TSC2: variants seen among roughly 807,000 people sequenced by gnomAD.
TSC2 encodes tuberin.
In TSC2, 29 loss-of-function variants were observed where a neutral mutation model predicts 202.2. The observed-to-expected ratio is 0.14, with a 90% CI of 0.11 to 0.20. The LOEUF (loss-of-function observed/expected upper bound fraction) is 0.20. TSC2 is among the 10% of genes least tolerant of loss of function. The pLI, the probability that TSC2 is intolerant of heterozygous loss-of-function variation, is 1.00. For missense variants in TSC2, 2,429 were observed against 2,420.0 expected, an observed-to-expected ratio of 1.00 and a Z score of -0.08; for synonymous variants, 1,349 against 1,044.0, an observed-to-expected ratio of 1.29 and a Z score of -5.63.
At chr16:2,080,511 T>C in intron 30 of TSC2, 134 bp downstream of exon 30, 2 of 1,044,598 alleles carry the variant, frequency 1.9e-6, no homozygotes, top group Non-Finnish European at 2.7e-6. Flanking sequence ...TGAGACAGAG[T>C]CTTGCTCTGT....
chr16:2,077,007 T>C (rs1371051537), intron 25 of TSC2, among the ~76,000 whole-genome samples: 1 of 152,224 alleles, frequency 6.6e-6, no homozygotes, highest in Admixed American at 6.5e-5. Flanking sequence ...TTTGAACGGC[T>C]TTCTCCTCCT....
rs747001059 is a variant in TSC2, at chr16:2,061,825, T to C, written c.1120-46T>C. On this transcript the variant is annotated intron_variant, in intron 11 of 41. Transcript: ENST00000219476. ...AGCGAGGCCTCTGGTGCCAAGTCCA[T>C]GTGGGGAGTGGAAGTCAGCCTGTGT... 9 of 1,612,378 alleles carry C rather than the reference T, an allele frequency of 5.6e-6. No homozygotes were observed. In the South Asian group the frequency reaches 6.6e-5, roughly 12 times the overall value.
At chr16:2,075,520 CA>C (rs1178579853) in intron 22 of TSC2, among the ~76,000 whole-genome samples, 5 of 92,350 alleles carry the variant, frequency 5.4e-5, no homozygotes, top group Non-Finnish European at 9.0e-5. Flanking sequence ...GAGCCAGACT[CA>C]TCTCAAAAAA....
chr16:2,081,785 T>C lies in TSC2; in HGVS notation c.3801T>C (p.Pro1267=). The change falls in exon 31 of 42, where the codon CCT becomes CCC. Residue 1267 remains proline, a synonymous_variant. Transcript: ENST00000219476. ...GCACGGCCAAACCCCCTCCTCTGCC[T>C]CGCTCCAACACAGGTGAGTGGCATG... ...AASTAKPPPL[P]RSNTVASFSS... 1 of 1,612,366 alleles carries C rather than the reference T, an allele frequency of 6.2e-7. No individual in the cohort carries two copies. Among genetic ancestry groups the C allele is most frequent in the Non-Finnish European group, 8.5e-7 (1 of 1,179,974 alleles).
intron 6 of TSC2, chr16:2,055,890 CAAA>C (rs373314420): frequency 7.2e-3 from 1,894 of 262,264 alleles, no homozygotes; most frequent in East Asian, 0.01. Context: ...AACTCCATCT[CAAA>C]AAAAAAAAAA....
At chr16:2,049,683 G>A (rs917919479) in intron 2 of TSC2, among the ~76,000 whole-genome samples, 3 of 151,466 alleles carry the variant, frequency 2.0e-5, no homozygotes, top group African/African-American at 7.3e-5. Context: ...AAAATTAGCC[G>A]GTCATAGTGG....
At chr16:2,053,506 C>G in intron 4 of TSC2, 54 bp downstream of exon 4, 1 of 1,502,916 alleles carries the variant, frequency 6.7e-7, no homozygotes. Context: ...CACTGACTGT[C>G]CTGTCCCTGC....
intron 10 of TSC2, among the ~76,000 whole-genome samples, chr16:2,059,388 G>A (rs2086329950): frequency 6.8e-6 from 1 of 146,088 alleles, no homozygotes; most frequent in Admixed American, 6.8e-5. Flanking sequence ...TGTTGCCCAG[G>A]GTGGAGTGCA....
rs1011542344 is a variant in TSC2 at position 2,048,007 on chromosome 16, C to T, written c.-88C>T. Reference sequence around the variant, plus strand: ...CGCGCTTCCGGCGGCGTCCCGGGGCCAGGGGGGTGCGCCTTTCTCCGCGTC... The same window carrying T: ...CGCGCTTCCGGCGGCGTCCCGGGGCTAGGGGGGTGCGCCTTTCTCCGCGTC... On this transcript the variant is annotated 5_prime_UTR_variant, in exon 1 of 42. Coordinates refer to ENST00000219476, the MANE Select transcript of TSC2 (RefSeq NM_000548.5). The T allele has an allele frequency of 1.3e-6, 2 of 1,486,202 alleles. No individual in the cohort carries two copies. Among genetic ancestry groups the T allele is most frequent in the South Asian group, 1.3e-5 (1 of 77,186 alleles). The allele number at this position is 1,486,202 out of a possible 1,614,324, so 92.1% of individuals were successfully genotyped here. A position where few individuals can be genotyped will look rare whatever the true frequency, so the allele number is the denominator to read the frequency against.
rs1555498859 is a variant in TSC2 at position 2,056,704 on chromosome 16, C to T, written c.709C>T (p.Pro237Ser). Reference protein sequence around the residue: ...CYNCLPAESLPLFIVTLCRTI... With the variant: ...CYNCLPAESLSLFIVTLCRTI... The stretch of plus-strand genomic sequence containing the variant: ...CAACTGCCTGCCGGCTGAGAGCCTC[C>T]CGCTGTTCATCGTTACCCTCTGTCG... Residue 237 changes from proline (P) to serine (S), a missense_variant, in exon 8 of 42, where the codon CCG becomes TCG. By Grantham distance (74) the Pro-to-Ser change is moderately conservative. Transcript: ENST00000219476. 6.2e-7 allele frequency: 1 copy of T among 1,612,664 alleles called. No homozygotes were observed. The highest frequency in any genetic ancestry group is 1.3e-5 in the African/African-American group (1 of 75,042).
rs141986802 is a variant in TSC2 at position 2,055,134 on chromosome 16, G to A, written c.482-268G>A. 1.2e-3 allele frequency: 666 copies of A among 542,180 alleles called. 3 individuals are homozygous for A. The highest frequency in any genetic ancestry group is 0.011 in the African/African-American group (606 of 52,896). 33.6% of individuals were successfully genotyped at this position (542,180 alleles called of 1,614,324 possible). On this transcript the variant is annotated intron_variant, in intron 5 of 41. Transcript: ENST00000219476. ...GCCTCGGGTTGGGCCCTGAGTGTAC[G>A]GCATACACACTTCTGCTGCCGCCTC... is the stretch of plus-strand genomic sequence containing the variant.
intron 30 of TSC2, 89 bp downstream of exon 30, chr16:2,080,466 CT>C (rs1372674512): frequency 6.8e-7 from 1 of 1,478,946 alleles, no homozygotes; most frequent in African/African-American, 1.4e-5. Flanking sequence ...ACTTGGCCCT[CT>C]TGGGATATTT....
Position 2,074,400 on chromosome 16 carries a change from G to A in TSC2, c.2545+11G>A, listed in dbSNP as rs768787639. 11 of 1,608,232 alleles carry A rather than the reference G, an allele frequency of 6.8e-6. No homozygotes were observed. The highest frequency in any genetic ancestry group is 5.0e-5 in the Admixed American group (3 of 60,014). ...TGGAGTTCCTGTCCAGTGAGTCCCC[G>A]CCCTGCCTGCGCATGCACCCGAGAG... On this transcript the variant is annotated intron_variant, in intron 22 of 41. Coordinates refer to ENST00000219476, the MANE Select transcript of TSC2 (RefSeq NM_000548.5).
Position 2,048,058 on chromosome 16 carries a change from G to C in TSC2, c.-37G>C. On this transcript the variant is annotated 5_prime_UTR_variant, in exon 1 of 42. Transcript: ENST00000219476. ...GGGGCGGCCCGGAGCGCGGTGGCGC[G>C]GCGCGGGGTAAGTGGCGGTCCCCAC... 2.1e-6 allele frequency: 3 copies of C among 1,423,638 alleles called. No homozygotes were observed. The highest frequency in any genetic ancestry group is 3.0e-5 in the South Asian group (2 of 65,860). 88.2% of individuals were successfully genotyped at this position (1,423,638 alleles called of 1,614,324 possible).
In TSC2 at chr16:2,072,377, C is replaced by T. The variant is rs2151320226; in HGVS notation, c.2220+14C>T. 1 of 1,613,148 alleles carries T rather than the reference C, an allele frequency of 6.2e-7. No homozygotes were observed. The highest frequency in any genetic ancestry group is 8.5e-7 in the Non-Finnish European group (1 of 1,179,348). ...CTCTGCTCCATGGTACCATGGCCGG[C>T]CTGGGGTTGGGGTGGGGGACCCAGT... On this transcript the variant is annotated intron_variant, in intron 20 of 41. Coordinates refer to ENST00000219476, the MANE Select transcript of TSC2 (RefSeq NM_000548.5).
At position 2,071,946 on chromosome 16, in the gene TSC2, C is replaced by T. The variant is rs137854029; in HGVS notation, c.2097+12C>T. On this transcript the variant is annotated intron_variant, in intron 19 of 41. Transcript: ENST00000219476. ...AGTGCTTGAAGCAGGTGAGTGGGGC[C>T]GGGCAGGGACCATCCGTCCCACGTT... The T allele has an allele frequency of 4.5e-6, 7 of 1,563,070 alleles. No individual in the cohort carries two copies. Among genetic ancestry groups the T allele is most frequent in the East Asian group, 4.7e-5 (2 of 42,506 alleles).
chr16:2,075,154 T>C (rs9936619), intron 22 of TSC2: 17,433 of 152,610 alleles, frequency 0.11, 3,392 homozygotes, highest in African/African-American at 0.4. Context: ...ACCCAGGAGG[T>C]GGAGCTTCTA....
intron 6 of TSC2, chr16:2,055,964 T>C: frequency 1.6e-6 from 1 of 625,850 alleles, no homozygotes; most frequent in Admixed American, 2.4e-5. Context: ...TGGTTATCTT[T>C]TTGTTGTTTG....
At position 2,058,892 on chromosome 16, in the gene TSC2, G is replaced by T. The variant is rs909473730; in HGVS notation, c.975+19G>T. The T allele has an allele frequency of 1.2e-6, 2 of 1,603,422 alleles. No homozygotes were observed. The highest frequency in any genetic ancestry group is 2.2e-5 in the South Asian group (2 of 89,032). ...TTACCAGGTAAGGCGGTTTCTGTGT[G>T]CAGTGAGCTGGCAGGAACGGGAGAG... is the stretch of plus-strand genomic sequence containing the variant. On this transcript the variant is annotated intron_variant, in intron 10 of 41. Coordinates refer to ENST00000219476, the MANE Select transcript of TSC2 (RefSeq NM_000548.5).
Sources: gnomAD v4.1 joint callset for allele counts (sites outside exome capture counted in the v4.1 genomes callset) on GRCh38, gnomAD v4.1.1 for gene constraint, MANE v1.5 for transcripts, NCBI Gene and HGNC (gene_info 2026-07-23, HGNC 2026-07-21) for gene names.